The following ARL13A variants were observed in gnomAD, a reference collection of about 807,000 sequenced individuals.
The protein encoded by ARL13A is ADP-ribosylation factor-like protein 13A.
ARL13A carries 16 observed loss-of-function variants against 19.1 expected under a neutral mutation model. That is an observed-to-expected ratio of 0.84 (90% CI 0.57 to 1.27). ARL13A has a LOEUF of 1.27. Ranked by LOEUF, ARL13A falls within the 50% of genes most tolerant of loss-of-function variation. ARL13A has a pLI of 0.00. For synonymous variants in ARL13A, 69 were observed against 71.3 expected, an observed-to-expected ratio of 0.97 and a Z score of 0.17; for missense variants, 153 against 186.4, an observed-to-expected ratio of 0.82 and a Z score of 1.04.
chrX:100,986,914 C>T lies in ARL13A; in HGVS notation c.486+13C>T, dbSNP rs371141882. 307 of 1,091,067 alleles carry T rather than the reference C, an allele frequency of 2.8e-4. No individual in the cohort carries two copies. The highest frequency in any genetic ancestry group is 3.7e-4 in the Non-Finnish European group (294 of 797,694). The allele number at this position is 1,091,067 out of a possible 1,213,427, so 89.9% of individuals were successfully genotyped here. On this transcript the variant is annotated intron_variant, in intron 5 of 7. Coordinates refer to ENST00000450049, the MANE Select transcript of ARL13A (RefSeq NM_001162491.2). ...CCCATGCCGAGTAGTAAGTGTCAACCTCTTCCTTCCCTCTTCCTCTGGAGC... is the reference window on the plus strand; with the variant it reads ...CCCATGCCGAGTAGTAAGTGTCAACTTCTTCCTTCCCTCTTCCTCTGGAGC...
chrX:100,970,976 C>A (rs1255258602), intron 1 of ARL13A, among the ~76,000 whole-genome samples: 2 of 111,439 alleles, frequency 1.8e-5, no homozygotes, highest in Non-Finnish European at 3.8e-5. Context: ...AGGTATATAC[C>A]CAAGAGAAAA....
Position 100,988,349 on chromosome X carries a change from T to C in ARL13A, c.744+66T>C, listed in dbSNP as rs6616211. 49 of 1,204,738 alleles carry C rather than the reference T, an allele frequency of 4.1e-5. No homozygotes were observed. The East Asian group carries it at 1.4e-3, about 34-fold the overall frequency. On this transcript the variant is annotated intron_variant, in intron 7 of 7. Coordinates refer to ENST00000450049, the MANE Select transcript of ARL13A (RefSeq NM_001162491.2). Reference sequence around the variant, plus strand: ...CTGAACACGTGGGCACCAACTAACTTTCCCCCCCATCATCTTCTTGCTGTA... The same window carrying C: ...CTGAACACGTGGGCACCAACTAACTCTCCCCCCCATCATCTTCTTGCTGTA...
At chrX:100,985,596 C>T (rs1347155240) in intron 3 of ARL13A, 71 bp from the exon 4 acceptor site, 1 of 1,133,256 alleles carries the variant, frequency 8.8e-7, no homozygotes, top group African/African-American at 1.8e-5. Flanking sequence ...TCGGAACCGA[C>T]TCTACTCCTG....
At chrX:100,971,627 T>C (rs1487192167) in intron 1 of ARL13A, among the ~76,000 whole-genome samples, 12 of 87,032 alleles carry the variant, frequency 1.4e-4, no homozygotes, top group Non-Finnish European at 2.6e-4. Flanking sequence ...AATAACCACT[T>C]TTACACTGAG....
At chrX:100,978,435 C>A (rs187284274) in intron 3 of ARL13A, among the ~76,000 whole-genome samples, 6 of 111,395 alleles carry the variant, frequency 5.4e-5, no homozygotes, top group South Asian at 3.8e-4. Flanking sequence ...CTGAATTGAT[C>A]CCCTTATCAT....
rs768401622 is a variant in ARL13A at position 100,974,163 on chromosome X, T to C, written c.96T>C (p.Ser32=). The C allele has an allele frequency of 5.0e-6, 6 of 1,190,938 alleles. No individual in the cohort carries two copies. Among genetic ancestry groups the C allele is most frequent in the African/African-American group, 3.5e-5 (2 of 56,596 alleles). The change falls in exon 3 of 8, where the codon TCT becomes TCC. Residue 32 remains serine (S), a synonymous_variant. Coordinates refer to ENST00000450049, the MANE Select transcript of ARL13A (RefSeq NM_001162491.2). ...TCCCTATCATTGGCTTGAACAACTC[T>C]GGCAAAACTGTTCTTGTGGAGGCAT... ...VTIPIIGLNN[S]GKTVLVEAFQ... is the part of the protein sequence containing the mutation.
chrX:100,974,804 A>C (rs1357490571), intron 3 of ARL13A, among the ~76,000 whole-genome samples: 1 of 112,004 alleles, frequency 8.9e-6, no homozygotes, highest in Non-Finnish European at 1.9e-5. Context: ...TTAAGGACCA[A>C]TCAAAGAAGC....
In ARL13A at chrX:100,975,605, G is replaced by A. The variant is rs1012627442; in HGVS notation, c.130+1408G>A. 2.8e-5 allele frequency among the ~76,000 whole-genome samples: 3 copies of A among 108,249 alleles called. No homozygotes were observed. The Admixed American group carries it at 3.0e-4, about 11-fold the overall frequency. The allele number at this position is 108,249 out of a possible 115,157, so 94.0% of individuals were successfully genotyped here. On this transcript the variant is annotated intron_variant, in intron 3 of 7. Coordinates refer to ENST00000450049, the MANE Select transcript of ARL13A (RefSeq NM_001162491.2). Reference sequence around the variant, plus strand: ...TTCTCCCCCATTCCGCCATTCACCTGAGACAACATGTTGCCATTTTCTTTG... The same window carrying A: ...TTCTCCCCCATTCCGCCATTCACCTAAGACAACATGTTGCCATTTTCTTTG...
At chrX:100,973,320 G>A (rs1386860340) in intron 1 of ARL13A, among the ~76,000 whole-genome samples, 2 of 93,643 alleles carry the variant, frequency 2.1e-5, no homozygotes, top group Non-Finnish European at 4.3e-5. Context: ...GTGGCGGCCG[G>A]GCAGAGGCTG....
In ARL13A at chrX:100,974,162, C is replaced by T; in HGVS notation, c.95C>T (p.Ser32Phe). 2 of 1,192,606 alleles carry T rather than the reference C, an allele frequency of 1.7e-6. No homozygotes were observed. Among genetic ancestry groups the T allele is most frequent in the Non-Finnish European group, 2.3e-6 (2 of 885,417 alleles). The change falls in exon 3 of 8, where the codon TCT (serine) becomes TTT (phenylalanine). Residue 32 changes from serine (S) to phenylalanine (F), a missense_variant. Physicochemically the swap from Ser to Phe is radical, Grantham distance 155 (BLOSUM62 -2). Transcript: ENST00000450049. ...ATCCCTATCATTGGCTTGAACAACT[C>T]TGGCAAAACTGTTCTTGTGGAGGCA... ...VTIPIIGLNN[S>F]GKTVLVEAFQ...
At chrX:100,989,667 A>G (rs1410406774) in intron 7 of ARL13A, among the ~76,000 whole-genome samples, 1 of 111,975 alleles carries the variant, frequency 8.9e-6, no homozygotes, top group African/African-American at 3.2e-5. Context: ...ACTTCTCCCA[A>G]TACAAAAATA....
At chrX:100,977,058 T>C (rs1013308801) in intron 3 of ARL13A, among the ~76,000 whole-genome samples, 1 of 112,285 alleles carries the variant, frequency 8.9e-6, no homozygotes, top group African/African-American at 3.2e-5. Context: ...TATGGGTACA[T>C]TGTAGGTGTA....
chrX:100,986,269 T>C (rs2085934225), intron 4 of ARL13A, among the ~76,000 whole-genome samples: 1 of 112,071 alleles, frequency 8.9e-6, no homozygotes, highest in South Asian at 3.8e-4. Context: ...TGAAACCTCA[T>C]GATAGCAGAG....
At chrX:100,976,593 GTTT>G (rs1311927142) in intron 3 of ARL13A, among the ~76,000 whole-genome samples, 2 of 111,974 alleles carry the variant, frequency 1.8e-5, no homozygotes, top group Non-Finnish European at 3.8e-5. Context: ...CCCTGCAAAT[GTTT>G]TTGTTGTTGT....
At chrX:100,974,328 A>AAC in intron 3 of ARL13A, 131 bp downstream of exon 3, 1 of 472,693 alleles carries the variant, frequency 2.1e-6, no homozygotes, top group Non-Finnish European at 3.7e-6. Context: ...AACACCTCCT[A>AAC]ACACACACGC....
At chrX:100,977,841 CT>C (rs1043319498) in intron 3 of ARL13A, among the ~76,000 whole-genome samples, 13 of 112,240 alleles carry the variant, frequency 1.2e-4, no homozygotes, top group African/African-American at 3.6e-4. Flanking sequence ...AGATCTTATT[CT>C]TTTTTTATGG....
intron 6 of ARL13A, among the ~76,000 whole-genome samples, chrX:100,987,832 T>C (rs1281945284): frequency 2.7e-5 from 3 of 111,071 alleles, no homozygotes; most frequent in African/African-American, 9.8e-5. Flanking sequence ...CAAAACAGGG[T>C]TTCTAATATC....
At chrX:100,990,164 G>A (rs1163974792) in intron 7 of ARL13A, among the ~76,000 whole-genome samples, 2 of 111,561 alleles carry the variant, frequency 1.8e-5, no homozygotes, top group Non-Finnish European at 3.8e-5. Flanking sequence ...GAGCAAGAGT[G>A]AGAGAAAGTA....
chrX:100,976,945 T>C (rs976521252), intron 3 of ARL13A, among the ~76,000 whole-genome samples: 22 of 112,738 alleles, frequency 2.0e-4, no homozygotes, highest in Non-Finnish European at 3.6e-4. Flanking sequence ...AGGAAGGAAA[T>C]GCCCGTCTGT....
Sources: gnomAD v4.1 joint callset for allele counts (sites outside exome capture counted in the v4.1 genomes callset) on GRCh38, gnomAD v4.1.1 for gene constraint, MANE v1.5 for transcripts, NCBI Gene and HGNC (gene_info 2026-07-23, HGNC 2026-07-21) for gene names.